Variants in CNIH3 observed in about 807,000 individuals in gnomAD.
CNIH3 encodes cornichon family AMPA receptor auxiliary protein 3, also known as protein cornichon homolog 3.
In CNIH3, 14 loss-of-function variants were observed where a neutral mutation model predicts 24.1. The ratio of observed to expected loss-of-function variants is 0.58; its 90% confidence interval spans 0.38 to 0.91. The LOEUF is 0.91. CNIH3 is among the 40% of genes least tolerant of loss of function. The pLI, the probability that CNIH3 is intolerant of heterozygous loss-of-function variation, is 0.00. For synonymous variants in CNIH3, 68 were observed against 73.8 expected, an observed-to-expected ratio of 0.92 and a Z score of 0.40; for missense variants, 178 against 196.8, an observed-to-expected ratio of 0.90 and a Z score of 0.57.
chr1:224,687,543 T>G lies in CNIH3; in HGVS notation c.198+2700T>G, dbSNP rs767265206. Among the ~76,000 whole-genome samples the G allele has an allele frequency of 9.4e-4, 143 of 152,328 alleles. 1 individual carries two copies. Among genetic ancestry groups the G allele is most frequent in the East Asian group, 5.8e-4 (3 of 5,182 alleles). The stretch of plus-strand genomic sequence containing the variant: ...CCACCATGCCCAGCCCAGCTTGCTT[T>G]CTTTCTTTGTGGAATCTCCCTCCTC... On this transcript the variant is annotated intron_variant, in intron 3 of 5. Coordinates refer to ENST00000272133, the MANE Select transcript of CNIH3 (RefSeq NM_152495.2).
At chr1:224,518,198 A>G (rs931912199) in intron 1 of CNIH3, among the ~76,000 whole-genome samples, 3 of 152,212 alleles carry the variant, frequency 2.0e-5, no homozygotes, top group African/African-American at 7.2e-5. Flanking sequence ...TGAACCTCGT[A>G]CTTTATGATG....
At chr1:224,682,595 C>T (rs1686454374) in intron 2 of CNIH3, among the ~76,000 whole-genome samples, 1 of 152,184 alleles carries the variant, frequency 6.6e-6, no homozygotes, top group Non-Finnish European at 1.5e-5. Flanking sequence ...TTCCATCTAC[C>T]AGCCTCACCA....
At chr1:224,687,625 T>G (rs1203161681) in intron 3 of CNIH3, among the ~76,000 whole-genome samples, 2 of 152,222 alleles carry the variant, frequency 1.3e-5, no homozygotes, top group Non-Finnish European at 2.9e-5. Flanking sequence ...TTAGTTCTTT[T>G]GTGTGCCCTG....
chr1:224,717,978 C>T (rs550104758), intron 3 of CNIH3, among the ~76,000 whole-genome samples: 58 of 152,218 alleles, frequency 3.8e-4, no homozygotes, highest in African/African-American at 1.3e-3. Context: ...GTGTGGGGAA[C>T]GACCAAAGGA....
chr1:224,595,513 C>T lies in CNIH3; in HGVS notation n.402+29249C>T, dbSNP rs146188839. On this transcript the variant is annotated intron_variant and non_coding_transcript_variant, in intron 3 of 7. Coordinates refer to the CNIH3 transcript ENST00000478120. ...CCTTGGACCTTTCTTTTCCTTGAAA[C>T]ACAATAATATTCAATTTAGGCAAAT... 6.3e-3 allele frequency among the ~76,000 whole-genome samples: 961 copies of T among 152,314 alleles called. 5 individuals are homozygous for T. The highest frequency in any genetic ancestry group is 0.011 in the Admixed American group (173 of 15,290).
intron 1 of CNIH3, among the ~76,000 whole-genome samples, chr1:224,479,710 A>T (rs905737153): frequency 3.3e-5 from 5 of 152,142 alleles, no homozygotes; most frequent in African/African-American, 1.2e-4. Flanking sequence ...CTCCAAAATG[A>T]TCTCCTTTAA....
At chr1:224,478,909 C>T (rs1359635595) in intron 1 of CNIH3, among the ~76,000 whole-genome samples, 1 of 152,126 alleles carries the variant, frequency 6.6e-6, no homozygotes, top group Non-Finnish European at 1.5e-5. Flanking sequence ...AAAAACTCCC[C>T]CTTATAATAA....
chr1:224,709,736 T>G (rs1407825320), intron 3 of CNIH3, among the ~76,000 whole-genome samples: 1 of 152,134 alleles, frequency 6.6e-6, no homozygotes, highest in Non-Finnish European at 1.5e-5. Context: ...AATTCCTATT[T>G]TATGGGTTGA....
intron 3 of CNIH3, among the ~76,000 whole-genome samples, chr1:224,696,898 T>G (rs539266432): frequency 6.6e-6 from 1 of 152,310 alleles, no homozygotes; most frequent in South Asian, 2.1e-4. Context: ...GCTGATCACC[T>G]AGCACCTTAT....
chr1:224,701,490 G>C (rs1005037170), intron 3 of CNIH3, among the ~76,000 whole-genome samples: 2 of 151,980 alleles, frequency 1.3e-5, no homozygotes, highest in African/African-American at 4.8e-5. Context: ...TCCCATTCAC[G>C]AGGGCTCCAC....
Position 224,497,606 on chromosome 1 carries a change from A to C in CNIH3, n.204-18135A>C, listed in dbSNP as rs189675304. 2.2e-3 allele frequency among the ~76,000 whole-genome samples: 332 copies of C among 152,336 alleles called. 1 individual carries two copies. The highest frequency in any genetic ancestry group is 7.8e-3 in the African/African-American group (323 of 41,574). The stretch of plus-strand genomic sequence containing the variant: ...CTTAGCTGCAAGAATATGGGTTGGG[A>C]ACCCTTTGTTGTTATAGATGCATTT... On this transcript the variant is annotated intron_variant and non_coding_transcript_variant, in intron 1 of 5. Transcript: ENST00000471578.
intron 1 of CNIH3, among the ~76,000 whole-genome samples, chr1:224,630,616 G>T (rs1304770118): frequency 6.6e-6 from 1 of 152,178 alleles, no homozygotes; most frequent in Non-Finnish European, 1.5e-5. Context: ...CTGGGGTAAG[G>T]GTGGGAGGTG....
intron 3 of CNIH3, among the ~76,000 whole-genome samples, chr1:224,722,556 A>T (rs1212713017): frequency 1.3e-5 from 2 of 152,120 alleles, no homozygotes; most frequent in Non-Finnish European, 2.9e-5. Flanking sequence ...GAGAAACTGG[A>T]TGCTGGAGCA....
chr1:224,720,959 T>A (rs1688691198), intron 3 of CNIH3, among the ~76,000 whole-genome samples: 2 of 152,168 alleles, frequency 1.3e-5, no homozygotes. Flanking sequence ...ACGTTCTGCC[T>A]TCCATAGTAT....
intron 1 of CNIH3, among the ~76,000 whole-genome samples, chr1:224,633,942 A>G (rs1415762760): frequency 6.6e-6 from 1 of 152,282 alleles, no homozygotes; most frequent in Non-Finnish European, 1.5e-5. Flanking sequence ...TTGGTGCCAC[A>G]GACTCTTTGA....
intron 1 of CNIH3, among the ~76,000 whole-genome samples, chr1:224,630,852 C>T (rs1003390004): frequency 6.6e-6 from 1 of 152,136 alleles, no homozygotes; most frequent in African/African-American, 2.4e-5. Flanking sequence ...GGTATGCTGT[C>T]TGGCCAGAAT....
chr1:224,711,742 C>T (rs1433607861), intron 3 of CNIH3, among the ~76,000 whole-genome samples: 2 of 139,310 alleles, frequency 1.4e-5, no homozygotes, highest in Non-Finnish European at 3.0e-5. Flanking sequence ...CTGCAGTGAG[C>T]CTTGATCATG....
At chr1:224,648,607 CT>C (rs1471771094) in intron 1 of CNIH3, among the ~76,000 whole-genome samples, 1 of 152,064 alleles carries the variant, frequency 6.6e-6, no homozygotes, top group Admixed American at 6.6e-5. Flanking sequence ...ACTGTTTGGG[CT>C]TGGGGAGTTT....
intron 3 of CNIH3, among the ~76,000 whole-genome samples, chr1:224,705,857 T>C (rs10915700): frequency 0.35 from 31,215 of 89,424 alleles, 4,057 homozygotes; most frequent in Admixed American, 0.46. Flanking sequence ...TTTCTTTTTT[T>C]TCTTTTTTTT....
Sources: gnomAD v4.1 joint callset for allele counts (sites outside exome capture counted in the v4.1 genomes callset) on GRCh38, gnomAD v4.1.1 for gene constraint, MANE v1.5 for transcripts, NCBI Gene and HGNC (gene_info 2026-07-23, HGNC 2026-07-21) for gene names.